Variants in TSEN15 observed in about 807,000 individuals in gnomAD.
TSEN15 encodes the protein tRNA-splicing endonuclease subunit Sen15.
TSEN15 carries 10 observed loss-of-function variants against 20.5 expected under a neutral mutation model. The ratio of observed to expected loss-of-function variants is 0.49; its 90% CI spans 0.30 to 0.83. The LOEUF (loss-of-function observed/expected upper bound fraction) is 0.83. TSEN15 is among the 40% of genes least tolerant of loss of function. TSEN15 has a pLI of 0.06. For synonymous variants in TSEN15, 72 were observed against 80.1 expected, an observed-to-expected ratio of 0.90 and a Z score of 0.54; for missense variants, 180 against 218.6, an observed-to-expected ratio of 0.82 and a Z score of 1.11.
intron 3 of TSEN15, among the ~76,000 whole-genome samples, chr1:184,086,541 A>G (rs946760240): frequency 2.0e-5 from 3 of 152,170 alleles, no homozygotes; most frequent in Non-Finnish European, 4.4e-5. Flanking sequence ...TTCCATGAAG[A>G]TATTAGCTAG....
Position 184,054,728 on chromosome 1 carries a change from G to A in TSEN15, c.218G>A (p.Ser73Asn). 4 of 1,610,496 alleles carry A rather than the reference G, an allele frequency of 2.5e-6. No homozygotes were observed. The highest frequency in any genetic ancestry group is 3.4e-6 in the Non-Finnish European group (4 of 1,179,290). The change falls in exon 3 of 5, where the codon AGC (serine) becomes AAC (asparagine). Residue 73 changes from serine to asparagine, a missense_variant and splice_region_variant. Ser to Asn is a conservative substitution (Grantham distance 46). Coordinates refer to ENST00000645668, the MANE Select transcript of TSEN15 (RefSeq NM_052965.4). ...TGTCCATTCAATGATGCTCTTTCAG[G>A]CAAAAGCTGGCATGAAGTAAACTGT... ...AFLVYLDLME[S>N]KSWHEVNCVG...
intron 3 of TSEN15, among the ~76,000 whole-genome samples, chr1:184,062,689 T>C (rs1270866686): frequency 1.3e-5 from 2 of 152,048 alleles, no homozygotes; most frequent in Non-Finnish European, 2.9e-5. Context: ...ATACAGGGAC[T>C]CAAATTATAA....
chr1:184,084,880 C>T (rs34985078), intron 3 of TSEN15, among the ~76,000 whole-genome samples: 5,825 of 152,038 alleles, frequency 0.038, 159 homozygotes, highest in Admixed American at 0.075. Context: ...ATTCAAACCA[C>T]GGCAAAGGTA....
chr1:184,064,060 C>T (rs142060671), intron 3 of TSEN15, among the ~76,000 whole-genome samples: 5 of 151,808 alleles, frequency 3.3e-5, no homozygotes, highest in African/African-American at 9.7e-5. Flanking sequence ...CTGGGCTCAT[C>T]GGGTGCAAAA....
downstream of TSEN15, among the ~76,000 whole-genome samples, chr1:184,076,910 A>G (rs895436312): frequency 2.0e-5 from 3 of 152,218 alleles, no homozygotes; most frequent in African/African-American, 7.2e-5. Flanking sequence ...AGCTTGGTTC[A>G]TGAGGTTTAA....
At chr1:184,052,182 G>A (rs1650081252) in intron 1 of TSEN15, among the ~76,000 whole-genome samples, 1 of 152,202 alleles carries the variant, frequency 6.6e-6, no homozygotes, top group East Asian at 1.9e-4. Flanking sequence ...TAGTTTTGCT[G>A]TCTAGGTAAA....
intron 3 of TSEN15, among the ~76,000 whole-genome samples, chr1:184,059,663 C>T (rs147223021): frequency 3.7e-4 from 56 of 152,226 alleles, no homozygotes; most frequent in Middle Eastern, 3.4e-3. Context: ...CTCCGCCTCC[C>T]GGGTTCAAGT....
chr1:184,089,954 A>C (rs984282384), intron 3 of TSEN15, among the ~76,000 whole-genome samples: 2 of 152,182 alleles, frequency 1.3e-5, no homozygotes, highest in African/African-American at 4.8e-5. Flanking sequence ...ACACTGGACC[A>C]TGTTTGCCAG....
At chr1:184,087,458 T>C (rs1431914627) in intron 3 of TSEN15, among the ~76,000 whole-genome samples, 4 of 152,188 alleles carry the variant, frequency 2.6e-5, no homozygotes, top group Non-Finnish European at 5.9e-5. Flanking sequence ...CCAAGAACCA[T>C]AATCTGTATC....
At chr1:184,075,912 T>TATATA (rs67808342), downstream of TSEN15, among the ~76,000 whole-genome samples, 1 of 85,546 alleles carries the variant, frequency 1.2e-5, no homozygotes, top group African/African-American at 4.0e-5. Flanking sequence ...ATATATATAT[T>TATATA]TTTTTTTTTC....
At chr1:184,052,839 G>T (rs1650105310) in intron 1 of TSEN15, among the ~76,000 whole-genome samples, 1 of 152,200 alleles carries the variant, frequency 6.6e-6, no homozygotes, top group Non-Finnish European at 1.5e-5. Context: ...TTAGGCGCAT[G>T]AACTCAAAAT....
chr1:184,063,550 C>T (rs191935644), intron 3 of TSEN15, among the ~76,000 whole-genome samples: 3 of 152,268 alleles, frequency 2.0e-5, no homozygotes, highest in African/African-American at 7.2e-5. Flanking sequence ...TCCTATTTCC[C>T]TCAATGTTGT....
chr1:184,089,590 C>G (rs183410238), intron 3 of TSEN15, among the ~76,000 whole-genome samples: 2 of 152,104 alleles, frequency 1.3e-5, no homozygotes, highest in Non-Finnish European at 2.9e-5. Context: ...TTGGTGGTGA[C>G]TCCTCTAATA....
intron 3 of TSEN15, chr1:184,070,801 T>C (rs1177306524): frequency 2.0e-6 from 1 of 511,916 alleles, no homozygotes; most frequent in Non-Finnish European, 2.8e-6. Context: ...TAAATCATTC[T>C]TGTGAATAAG....
At chr1:184,066,137 A>G (rs1225234834) in intron 3 of TSEN15, among the ~76,000 whole-genome samples, 1 of 152,096 alleles carries the variant, frequency 6.6e-6, no homozygotes, top group Non-Finnish European at 1.5e-5. Context: ...TCTGTGATCC[A>G]TTTTTAGTTA....
intron 3 of TSEN15, among the ~76,000 whole-genome samples, chr1:184,088,286 A>T (rs573632535): frequency 4.6e-5 from 7 of 152,244 alleles, no homozygotes; most frequent in Non-Finnish European, 1.0e-4. Context: ...CACTGAGGGG[A>T]GTAGGAAGGG....
chr1:184,051,787 C>A lies in TSEN15; in HGVS notation c.32C>A (p.Pro11His). 2 of 1,520,728 alleles carry A rather than the reference C, an allele frequency of 1.3e-6. No individual in the cohort carries two copies. The highest frequency in any genetic ancestry group is 1.2e-5 in the South Asian group (1 of 81,388). 94.2% of individuals were successfully genotyped at this position (1,520,728 alleles called of 1,614,324 possible). MEERGDSEPT[P>H]GCSGLGPGGV... Reference sequence around the variant, plus strand: ...GAGCGCGGCGATTCCGAGCCGACCCCCGGCTGCAGCGGCCTGGGTCCGGGC... The same window carrying A: ...GAGCGCGGCGATTCCGAGCCGACCCACGGCTGCAGCGGCCTGGGTCCGGGC... Residue 11 changes from proline (P) to histidine (H), a missense_variant, in exon 1 of 5, where the codon CCC becomes CAC. Around this residue, in one of 3 missense-constraint regions of TSEN15, gnomAD observed 76 missense variants for 66.5 expected, o/e 1.14. Coordinates refer to ENST00000645668, the MANE Select transcript of TSEN15 (RefSeq NM_052965.4).
At chr1:184,056,517 A>G (rs1018650186) in intron 3 of TSEN15, among the ~76,000 whole-genome samples, 1 of 152,082 alleles carries the variant, frequency 6.6e-6, no homozygotes, top group Non-Finnish European at 1.5e-5. Flanking sequence ...ATGTCTTTCA[A>G]TGAGTAACAG....
At chr1:184,095,457 C>T (rs1378188274) in intron 3 of TSEN15, 3 of 383,720 alleles carry the variant, frequency 7.8e-6, no homozygotes, top group Non-Finnish European at 1.4e-5. Context: ...TCTAAATTCC[C>T]CAATTCACAC....
Sources: allele counts gnomAD v4.1 joint callset (sites outside exome capture counted in the v4.1 genomes callset), GRCh38; gene constraint gnomAD v4.1.1; regional missense constraint gnomAD v4.1.1; transcripts MANE v1.5; gene names NCBI Gene and HGNC (gene_info 2026-07-23, HGNC 2026-07-21).